TSPAN9: variants seen among roughly 807,000 people sequenced by gnomAD.
TSPAN9 encodes the protein tetraspanin 9, also known as tetraspanin-9.
In TSPAN9, 16 loss-of-function variants were observed where a neutral mutation model predicts 31.0. The observed-to-expected ratio is 0.52, with a 90% CI of 0.35 to 0.78. The LOEUF is 0.78. TSPAN9 is among the 30% of genes least tolerant of loss of function. TSPAN9 has a pLI of 0.01. For missense variants in TSPAN9, 272 were observed against 312.5 expected (o/e 0.87, Z 0.98); for synonymous variants, 145 against 121.6 (o/e 1.19, Z -1.27).
intron 2 of TSPAN9, among the ~76,000 whole-genome samples, chr12:3,099,818 G>GTGTTTT (rs987781129): frequency 4.7e-5 from 7 of 149,594 alleles, no homozygotes; most frequent in African/African-American, 1.7e-4. Flanking sequence ...CGAATACCCT[G>GTGTTTT]TGTTTTTGAG....
chr12:3,092,988 G>T (rs2098305667), intron 2 of TSPAN9, among the ~76,000 whole-genome samples: 1 of 152,216 alleles, frequency 6.6e-6, no homozygotes, highest in South Asian at 2.1e-4. Flanking sequence ...CTGCAGGCTG[G>T]GCCTCTTCCT....
At chr12:3,124,479 G>A (rs1175930696) in intron 2 of TSPAN9, among the ~76,000 whole-genome samples, 1 of 151,516 alleles carries the variant, frequency 6.6e-6, no homozygotes, top group Non-Finnish European at 1.5e-5. Flanking sequence ...GCCCAGGCTG[G>A]AGTGCAATGG....
In TSPAN9 at chr12:3,283,187, C is replaced by T. The variant is rs1862933725; in HGVS notation, c.*71C>T. On this transcript the variant is annotated 3_prime_UTR_variant, in exon 9 of 9. Coordinates refer to ENST00000011898, the MANE Select transcript of TSPAN9 (RefSeq NM_006675.5). ...GGAAGAGGATTGAGCTTTGTGTCAC[C>T]TGCCTGCGCTCTCCAGATATGACCC... 2.0e-6 allele frequency: 3 copies of T among 1,516,186 alleles called. No individual in the cohort carries two copies. In the South Asian group the frequency reaches 3.4e-5, roughly 17 times the overall value. The allele number at this position is 1,516,186 out of a possible 1,614,324, so 93.9% of individuals were successfully genotyped here.
chr12:3,079,267 C>T (rs1330715270), intron 1 of TSPAN9, among the ~76,000 whole-genome samples: 2 of 152,224 alleles, frequency 1.3e-5, no homozygotes, highest in East Asian at 3.9e-4. Context: ...GCGTGAGCCA[C>T]CGCATTGGCT....
chr12:3,261,706 G>A (rs1321516554), intron 3 of TSPAN9, among the ~76,000 whole-genome samples: 1 of 152,214 alleles, frequency 6.6e-6, no homozygotes, highest in East Asian at 1.9e-4. Context: ...TGGGCACCCT[G>A]TTCAGGAAAC....
intron 2 of TSPAN9, among the ~76,000 whole-genome samples, chr12:3,178,461 T>C (rs910126017): frequency 6.6e-6 from 1 of 152,108 alleles, no homozygotes; most frequent in African/African-American, 2.4e-5. Context: ...TGGCTAACTT[T>C]TGTATTTTTA....
chr12:3,158,621 C>T (rs1411280835), intron 2 of TSPAN9, among the ~76,000 whole-genome samples: 1 of 145,982 alleles, frequency 6.9e-6, no homozygotes, highest in African/African-American at 2.5e-5. Flanking sequence ...ACTTGGGAGG[C>T]TGAAGCAGGA....
At chr12:3,235,246 A>G (rs2098393133) in intron 3 of TSPAN9, among the ~76,000 whole-genome samples, 1 of 54,786 alleles carries the variant, frequency 1.8e-5, no homozygotes, top group Non-Finnish European at 3.7e-5. Flanking sequence ...ATATATATAT[A>G]TATATATATA....
intron 2 of TSPAN9, among the ~76,000 whole-genome samples, chr12:3,186,574 GTGTA>G (rs770615394): frequency 1.2e-4 from 17 of 147,016 alleles, no homozygotes; most frequent in African/African-American, 4.0e-4. Flanking sequence ...GTGTGTGTGT[GTGTA>G]TACACACAAG....
chr12:3,155,604 A>AAG (rs1347176514), intron 2 of TSPAN9, among the ~76,000 whole-genome samples: 1 of 151,680 alleles, frequency 6.6e-6, no homozygotes, highest in Non-Finnish European at 1.5e-5. Flanking sequence ...TTTAAAAAAA[A>AAG]AAAAATAAAG....
At position 3,284,882 on chromosome 12, in the gene TSPAN9, C is replaced by A. The variant is rs75921203; in HGVS notation, c.*1766C>A. ...CCTGTCTGATCCAAGAGCTGAGACA[C>A]GGCCACCCAGCACCAGTCACTCCTC... On this transcript the variant is annotated 3_prime_UTR_variant, in exon 9 of 9. Transcript: ENST00000011898. 2 of 152,240 alleles carry A rather than the reference C, an allele frequency of 1.3e-5. No homozygotes were observed. The highest frequency in any genetic ancestry group is 4.8e-5 in the African/African-American group (2 of 41,422). 9.4% of individuals were successfully genotyped at this position (152,240 alleles called of 1,614,324 possible). A position where few individuals can be genotyped will look rare whatever the true frequency, so the allele number is the denominator to read the frequency against.
At chr12:3,165,653 G>A (rs1385600107) in intron 2 of TSPAN9, among the ~76,000 whole-genome samples, 1 of 152,194 alleles carries the variant, frequency 6.6e-6, no homozygotes, top group Non-Finnish European at 1.5e-5. Context: ...TCTGCTGGCA[G>A]CTGGGAGGGA....
Position 3,264,587 on chromosome 12 carries a change from C to A in TSPAN9, c.64-13834C>A, listed in dbSNP as rs956100104. ...AGGGCTCGGAGAGGCCCAGGAGCAG[C>A]CTCTGTGTGCCGGCTGGGGCCGGGG... On this transcript the variant is annotated intron_variant, in intron 3 of 8. Transcript: ENST00000011898. 2.0e-5 allele frequency among the ~76,000 whole-genome samples: 3 copies of A among 152,320 alleles called. No individual in the cohort carries two copies. In the East Asian group the frequency reaches 5.8e-4, roughly 29 times the overall value.
At chr12:3,256,281 G>T (rs750049647) in intron 3 of TSPAN9, among the ~76,000 whole-genome samples, 1 of 152,230 alleles carries the variant, frequency 6.6e-6, no homozygotes, top group South Asian at 2.1e-4. Flanking sequence ...GTAAGGAGCT[G>T]CCCTGGAAAG....
intron 3 of TSPAN9, among the ~76,000 whole-genome samples, chr12:3,218,140 T>G (rs1273490171): frequency 6.6e-6 from 1 of 152,170 alleles, no homozygotes; most frequent in African/African-American, 2.4e-5. Flanking sequence ...CGTCCTGTGC[T>G]CAGCCCCCAT....
chr12:3,173,720 T>G (rs1473101571), intron 2 of TSPAN9: 2 of 152,200 alleles, frequency 1.3e-5, no homozygotes, highest in African/African-American at 4.8e-5. Flanking sequence ...CTTGACCTCC[T>G]GGTCTCAAGT....
intron 3 of TSPAN9, among the ~76,000 whole-genome samples, chr12:3,276,975 C>A (rs1391920273): frequency 1.3e-5 from 2 of 152,200 alleles, no homozygotes; most frequent in Non-Finnish European, 2.9e-5. Flanking sequence ...TTCCCAGGAA[C>A]CAGAGCAGCT....
chr12:3,173,792 C>G (rs2098353475), intron 2 of TSPAN9: 1 of 152,204 alleles, frequency 6.6e-6, no homozygotes, highest in Non-Finnish European at 1.5e-5. Flanking sequence ...CTGTGCCTGG[C>G]TCTGCCGTTT....
Position 3,281,730 on chromosome 12 carries a change from C to T in TSPAN9, c.565-4C>T, listed in dbSNP as rs780529659. ...ACCCTAACCTCGTGGGCCTCGCTCC[C>T]CAGGGCTGCTATGAAAAGGTGAAGA... On this transcript the variant is annotated splice_polypyrimidine_tract_variant and splice_region_variant and intron_variant, in intron 7 of 8. Coordinates refer to ENST00000011898, the MANE Select transcript of TSPAN9 (RefSeq NM_006675.5). 5 of 1,611,780 alleles carry T rather than the reference C, an allele frequency of 3.1e-6. No homozygotes were observed. The highest frequency in any genetic ancestry group is 4.2e-6 in the Non-Finnish European group (5 of 1,178,058).
Sources: gnomAD v4.1 joint callset for allele counts (sites outside exome capture counted in the v4.1 genomes callset) on GRCh38, gnomAD v4.1.1 for gene constraint, MANE v1.5 for transcripts, NCBI Gene and HGNC (gene_info 2026-07-23, HGNC 2026-07-21) for gene names.